GLRA3: variants seen among roughly 807,000 people sequenced by gnomAD.
GLRA3 encodes the protein glycine receptor subunit alpha-3.
A neutral mutation model predicts 60.4 loss-of-function variants in GLRA3; 44 were observed. That is an observed-to-expected ratio of 0.73 (90% CI 0.57 to 0.94). The LOEUF (loss-of-function observed/expected upper bound fraction) is 0.94, where lower values mean the gene tolerates loss of function less well. GLRA3 is among the 40% of genes least tolerant of loss of function. The probability of loss-of-function intolerance (pLI) is 0.00; values close to 1 mark genes in which losing one functional copy is unlikely to be tolerated. For synonymous variants in GLRA3, 223 were observed against 192.9 expected, an observed-to-expected ratio of 1.16 and a Z score of -1.29; for missense variants, 508 against 564.6, an observed-to-expected ratio of 0.90 and a Z score of 1.02.
chr4:174,755,324 T>A (rs974364070), intron 3 of GLRA3, among the ~76,000 whole-genome samples: 2 of 152,134 alleles, frequency 1.3e-5, no homozygotes, highest in African/African-American at 2.4e-5. Flanking sequence ...AGAGAACTGC[T>A]GCCCTATGGA....
At chr4:174,706,334 A>C (rs192425079) in intron 5 of GLRA3, among the ~76,000 whole-genome samples, 3 of 152,336 alleles carry the variant, frequency 2.0e-5, no homozygotes, top group Admixed American at 2.0e-4. Flanking sequence ...GGCAGAGAGA[A>C]GAGCACAGTT....
chr4:174,751,203 C>T (rs958485055), intron 3 of GLRA3, among the ~76,000 whole-genome samples: 1 of 151,920 alleles, frequency 6.6e-6, no homozygotes, highest in Non-Finnish European at 1.5e-5. Context: ...CTGGTTAAAG[C>T]ATGATAGAAA....
chr4:174,688,508 A>G (rs1221184358), intron 5 of GLRA3, among the ~76,000 whole-genome samples: 1 of 151,076 alleles, frequency 6.6e-6, no homozygotes, highest in Admixed American at 6.6e-5. Context: ...CTAAAATAGT[A>G]TGTGGCCAGC....
chr4:174,819,290 T>C (rs1000251504), intron 1 of GLRA3, among the ~76,000 whole-genome samples: 1 of 152,212 alleles, frequency 6.6e-6, no homozygotes, highest in Non-Finnish European at 1.5e-5. Flanking sequence ...AAACATTTGC[T>C]GATATTTTAT....
intron 6 of GLRA3, among the ~76,000 whole-genome samples, chr4:174,679,923 G>C (rs1423121447): frequency 6.6e-6 from 1 of 152,162 alleles, no homozygotes; most frequent in African/African-American, 2.4e-5. Flanking sequence ...ATAAATTCTA[G>C]TGTTCAATAG....
chr4:174,797,556 C>T (rs916043734), intron 1 of GLRA3, among the ~76,000 whole-genome samples: 8 of 152,022 alleles, frequency 5.3e-5, no homozygotes, highest in African/African-American at 1.4e-4. Context: ...AGTTCAGAAA[C>T]TTTAATTTCA....
At chr4:174,644,092 T>C (rs1180961381) in intron 9 of GLRA3, 28 bp from the exon 10 acceptor site, 3 of 1,389,388 alleles carry the variant, frequency 2.2e-6, no homozygotes, top group Admixed American at 1.8e-5. Context: ...GACAAGGCCC[T>C]TTAATAATAC....
At chr4:174,821,049 A>C (rs1183167103) in intron 1 of GLRA3, among the ~76,000 whole-genome samples, 1 of 152,230 alleles carries the variant, frequency 6.6e-6, no homozygotes, top group Non-Finnish European at 1.5e-5. Flanking sequence ...GAAGGAATGT[A>C]AACTTTTTAC....
At chr4:174,762,303 G>GTA (rs1375033117) in intron 3 of GLRA3, among the ~76,000 whole-genome samples, 5 of 151,978 alleles carry the variant, frequency 3.3e-5, no homozygotes, top group African/African-American at 4.8e-5. Flanking sequence ...CATAGTGTGT[G>GTA]TATATATATA....
At chr4:174,681,608 G>C (rs1001031699) in intron 6 of GLRA3, among the ~76,000 whole-genome samples, 1 of 152,064 alleles carries the variant, frequency 6.6e-6, no homozygotes, top group African/African-American at 2.4e-5. Context: ...AAGAGACAGG[G>C]AACAACTCTT....
chr4:174,756,644 T>C (rs1329220402), intron 3 of GLRA3, among the ~76,000 whole-genome samples: 2 of 25,132 alleles, frequency 8.0e-5, no homozygotes, highest in East Asian at 2.2e-3. Flanking sequence ...GCCATTCTTT[T>C]TTTTCTTTTT....
At chr4:174,800,233 A>G (rs1739752776) in intron 1 of GLRA3, among the ~76,000 whole-genome samples, 1 of 152,126 alleles carries the variant, frequency 6.6e-6, no homozygotes, top group Non-Finnish European at 1.5e-5. Context: ...TGCAAAAATA[A>G]ATGCAAAAAG....
intron 5 of GLRA3, among the ~76,000 whole-genome samples, chr4:174,706,044 A>T (rs1445881031): frequency 1.3e-5 from 2 of 152,104 alleles, no homozygotes; most frequent in African/African-American, 4.8e-5. Flanking sequence ...CCTGTGTAAC[A>T]TGGTGAAACC....
At position 174,640,661 on chromosome 4, in the gene GLRA3, T is replaced by C. The variant is rs368159470; in HGVS notation, c.*3125A>G. The C allele has an allele frequency of 6.6e-6, 1 of 152,022 alleles. No homozygotes were observed. The highest frequency in any genetic ancestry group is 1.5e-5 in the Non-Finnish European group (1 of 67,948). 9.4% of individuals were successfully genotyped at this position (152,022 alleles called of 1,614,324 possible). ...CATTTAGATTATTCATTTTTTTTTC[T>C]AAAATTTCCCTTACCTTCCATGAGA... On this transcript the variant is annotated 3_prime_UTR_variant, in exon 10 of 10. Coordinates refer to ENST00000274093, the MANE Select transcript of GLRA3 (RefSeq NM_006529.4).
intron 9 of GLRA3, among the ~76,000 whole-genome samples, chr4:174,656,112 G>A (rs982568794): frequency 7.9e-5 from 12 of 151,992 alleles, no homozygotes; most frequent in African/African-American, 2.4e-5. Context: ...GTTAAACCAC[G>A]TACAGACCCA....
At position 174,638,972 on chromosome 4, in the gene GLRA3, C is replaced by T. The variant is rs940406137; in HGVS notation, c.*4814G>A. 3 of 152,172 alleles carry T rather than the reference C, an allele frequency of 2.0e-5. No homozygotes were observed. The highest frequency in any genetic ancestry group is 2.0e-4 in the Admixed American group (3 of 15,274). 9.4% of individuals were successfully genotyped at this position (152,172 alleles called of 1,614,324 possible). A position where few individuals can be genotyped will look rare whatever the true frequency, so the allele number is the denominator to read the frequency against. On this transcript the variant is annotated 3_prime_UTR_variant, in exon 10 of 10. Coordinates refer to ENST00000274093, the MANE Select transcript of GLRA3 (RefSeq NM_006529.4). Reference sequence around the variant, plus strand: ...ACTTTTTAAAAATAATACTCCATCACCTTAAATGTCTCCTCTTTGTTTATG... The same window carrying T: ...ACTTTTTAAAAATAATACTCCATCATCTTAAATGTCTCCTCTTTGTTTATG...
At chr4:174,666,916 G>A (rs1733700855) in intron 7 of GLRA3, among the ~76,000 whole-genome samples, 1 of 151,736 alleles carries the variant, frequency 6.6e-6, no homozygotes, top group Non-Finnish European at 1.5e-5. Flanking sequence ...AGTGACATGA[G>A]GGGTTTGTCA....
intron 3 of GLRA3, among the ~76,000 whole-genome samples, chr4:174,761,616 C>CT (rs554484321): frequency 1.0e-3 from 153 of 152,294 alleles, no homozygotes; most frequent in African/African-American, 3.4e-3. Flanking sequence ...GCACAATTCT[C>CT]TAACTTTCTA....
rs28514544 is a variant in GLRA3 at position 174,669,986 on chromosome 4, A to C, written c.927+7092T>G. ...TTTCGTCACCAGACAAGGAAAGTAC[A>C]ACCAAAAAGACTAAAGAATTTTGAA... On this transcript the variant is annotated intron_variant, in intron 7 of 9. Transcript: ENST00000274093. 9.6e-3 allele frequency among the ~76,000 whole-genome samples: 1,458 copies of C among 152,350 alleles called. 17 individuals carry two copies. The highest frequency in any genetic ancestry group is 0.056 in the South Asian group (272 of 4,826).
Sources: allele counts gnomAD v4.1 joint callset (sites outside exome capture counted in the v4.1 genomes callset), GRCh38; gene constraint gnomAD v4.1.1; transcripts MANE v1.5; gene names NCBI Gene and HGNC (gene_info 2026-07-23, HGNC 2026-07-21).